Variants in TEX36 observed in about 807,000 individuals in gnomAD.
TEX36 encodes the protein testis-expressed protein 36.
Under a neutral mutation model 13.6 loss-of-function variants are expected in TEX36, and 12 were observed. The ratio of observed to expected loss-of-function variants is 0.88; its 90% CI spans 0.56 to 1.43. TEX36 has a LOEUF of 1.43. Ranked by LOEUF, TEX36 falls within the 40% of genes most tolerant of loss-of-function variation. TEX36 has a pLI of 0.00. For synonymous variants in TEX36, 93 were observed against 83.0 expected (o/e 1.12, Z -0.65); for missense variants, 224 against 228.3 (o/e 0.98, Z 0.12).
chr10:125,582,802 A>G (rs985013706), intron 3 of TEX36, among the ~76,000 whole-genome samples: 8 of 152,342 alleles, frequency 5.3e-5, no homozygotes, highest in Middle Eastern at 6.8e-3. Context: ...CAATTTGCAT[A>G]AAGACCAGGA....
At chr10:125,597,194 G>T (rs1846090440) in intron 3 of TEX36, among the ~76,000 whole-genome samples, 1 of 152,124 alleles carries the variant, frequency 6.6e-6, no homozygotes, top group African/African-American at 2.4e-5. Flanking sequence ...TCCACTGCAG[G>T]TGCATGTTTG....
intron 3 of TEX36, among the ~76,000 whole-genome samples, chr10:125,583,515 C>G (rs567512614): frequency 6.6e-6 from 1 of 152,288 alleles, no homozygotes; most frequent in South Asian, 2.1e-4. Flanking sequence ...GTATTAATCT[C>G]ATTCATGAGG....
At chr10:125,618,571 T>G (rs959752634), downstream of TEX36, among the ~76,000 whole-genome samples, 2 of 152,008 alleles carry the variant, frequency 1.3e-5, no homozygotes, top group African/African-American at 4.8e-5. Context: ...CTGCCCCTGC[T>G]GGGGGGTGCC....
chr10:125,583,910 C>T (rs999536310), intron 3 of TEX36, among the ~76,000 whole-genome samples: 1 of 152,140 alleles, frequency 6.6e-6, no homozygotes, highest in African/African-American at 2.4e-5. Context: ...CTTCTCCCAC[C>T]CAGAGAGGCA....
intron 3 of TEX36, among the ~76,000 whole-genome samples, chr10:125,631,633 G>A (rs935110982): frequency 2.6e-5 from 4 of 152,182 alleles, no homozygotes; most frequent in Non-Finnish European, 4.4e-5. Context: ...ATTGCACCTG[G>A]GTCTTGAATG....
At chr10:125,657,929 G>A (rs915940670) in intron 3 of TEX36, among the ~76,000 whole-genome samples, 4 of 151,996 alleles carry the variant, frequency 2.6e-5, no homozygotes, top group East Asian at 3.8e-4. Flanking sequence ...TGTACTTGAG[G>A]GCAAGTACTT....
chr10:125,634,453 C>T (rs1025642775), intron 3 of TEX36, among the ~76,000 whole-genome samples: 1 of 152,154 alleles, frequency 6.6e-6, no homozygotes, highest in African/African-American at 2.4e-5. Context: ...GCTTTGGGCA[C>T]TTTTCCTTGT....
chr10:125,661,123 G>A (rs1400733071), intron 2 of TEX36, 22 bp from the exon 3 acceptor site: 8 of 1,537,238 alleles, frequency 5.2e-6, no homozygotes, highest in Non-Finnish European at 7.1e-6. Context: ...GGATGGAAGG[G>A]AAAGAGCACA....
intron 1 of TEX36, among the ~76,000 whole-genome samples, chr10:125,662,570 A>G (rs1847063161): frequency 6.6e-6 from 1 of 152,142 alleles, no homozygotes; most frequent in Admixed American, 6.5e-5. Flanking sequence ...TGTCCTTGCA[A>G]TCTCCCAACA....
intron 1 of TEX36, among the ~76,000 whole-genome samples, chr10:125,672,593 G>T (rs1416304426): frequency 6.6e-6 from 1 of 152,200 alleles, no homozygotes; most frequent in African/African-American, 2.4e-5. Context: ...GCACCAAGAA[G>T]AATGTATATT....
intron 3 of TEX36, among the ~76,000 whole-genome samples, chr10:125,595,865 C>A (rs1397528632): frequency 1.3e-5 from 2 of 152,196 alleles, no homozygotes; most frequent in Non-Finnish European, 2.9e-5. Context: ...AGAATGTAAA[C>A]CCTACAAGGC....
chr10:125,682,495 A>C (rs1847412247), intron 1 of TEX36, among the ~76,000 whole-genome samples: 1 of 152,214 alleles, frequency 6.6e-6, no homozygotes, highest in Admixed American at 6.5e-5. Context: ...ACTTCAACAC[A>C]TATGTATTGA....
At chr10:125,608,452 T>G (rs1012179590) in intron 3 of TEX36, among the ~76,000 whole-genome samples, 2 of 151,588 alleles carry the variant, frequency 1.3e-5, no homozygotes, top group African/African-American at 4.9e-5. Context: ...ACAAATACTA[T>G]GGGTTGGGAA....
At chr10:125,628,126 A>T (rs960111944) in intron 3 of TEX36, among the ~76,000 whole-genome samples, 3 of 152,238 alleles carry the variant, frequency 2.0e-5, no homozygotes, top group African/African-American at 7.2e-5. Flanking sequence ...TTGGCACCTG[A>T]AGGAAAAAAA....
downstream of TEX36, among the ~76,000 whole-genome samples, chr10:125,650,971 C>T (rs1176677303): frequency 6.6e-6 from 1 of 152,168 alleles, no homozygotes; most frequent in East Asian, 1.9e-4. Flanking sequence ...CCTGAATAGA[C>T]CAATAACAGG....
chr10:125,598,614 G>A (rs1012670487), intron 3 of TEX36, among the ~76,000 whole-genome samples: 2 of 152,168 alleles, frequency 1.3e-5, no homozygotes, highest in Non-Finnish European at 2.9e-5. Context: ...TCCATTCCTA[G>A]CATTCTCAAC....
At chr10:125,679,801 C>T (rs770637356) in intron 1 of TEX36, among the ~76,000 whole-genome samples, 10 of 152,196 alleles carry the variant, frequency 6.6e-5, no homozygotes, top group Non-Finnish European at 1.3e-4. Context: ...GTGGGATAGG[C>T]GGGCACGCAA....
chr10:125,671,298 G>A (rs929118384), intron 1 of TEX36, among the ~76,000 whole-genome samples: 3 of 152,052 alleles, frequency 2.0e-5, no homozygotes, highest in Admixed American at 6.6e-5. Flanking sequence ...TAATTTTGAC[G>A]TATGTTCCAT....
chr10:125,620,115 G>A (rs529910894), downstream of TEX36, among the ~76,000 whole-genome samples: 7 of 152,206 alleles, frequency 4.6e-5, no homozygotes, highest in African/African-American at 1.7e-4. Flanking sequence ...CTTTGTCTGA[G>A]TATCTTGTCA....
Sources: allele counts gnomAD v4.1 joint callset (sites outside exome capture counted in the v4.1 genomes callset), GRCh38; gene constraint gnomAD v4.1.1; transcripts MANE v1.5; gene names NCBI Gene and HGNC (gene_info 2026-07-23, HGNC 2026-07-21).